The following DPYD variants were observed in gnomAD, a reference collection of about 807,000 sequenced individuals.
The protein encoded by DPYD is dihydropyrimidine dehydrogenase.
In DPYD, 109 loss-of-function variants were observed where a neutral mutation model predicts 116.2. That is an observed-to-expected ratio of 0.94 (90% confidence interval 0.80 to 1.10). DPYD has a LOEUF of 1.10. DPYD is among the 50% of genes least tolerant of loss of function. DPYD has a pLI of 0.00. For missense variants in DPYD, 1,302 were observed against 1,254.5 expected (o/e 1.04, Z -0.57); for synonymous variants, 440 against 432.0 (o/e 1.02, Z -0.23).
intron 19 of DPYD, among the ~76,000 whole-genome samples, chr1:97,225,290 C>G (rs138093128): frequency 4.6e-5 from 7 of 152,070 alleles, no homozygotes; most frequent in African/African-American, 1.4e-4. Flanking sequence ...AATAGTTATT[C>G]TAACAGGTGT....
chr1:97,456,483 A>T (rs142096757), intron 13 of DPYD, among the ~76,000 whole-genome samples: 74 of 152,180 alleles, frequency 4.9e-4, no homozygotes, highest in African/African-American at 1.5e-3. Context: ...TAGCTCTCTG[A>T]CAAGTCCCAA....
At chr1:97,493,982 G>C (rs1679115533) in intron 13 of DPYD, among the ~76,000 whole-genome samples, 1 of 152,144 alleles carries the variant, frequency 6.6e-6, no homozygotes, top group South Asian at 2.1e-4. Context: ...AGACAGAAGA[G>C]AGGAATTCGA....
At chr1:97,538,918 A>G (rs1650215146) in intron 12 of DPYD, among the ~76,000 whole-genome samples, 1 of 152,232 alleles carries the variant, frequency 6.6e-6, no homozygotes, top group South Asian at 2.1e-4. Context: ...ATATAGATTC[A>G]TAAATGAAAT....
intron 14 of DPYD, among the ~76,000 whole-genome samples, chr1:97,403,196 A>G (rs1673465631): frequency 6.6e-6 from 1 of 152,020 alleles, no homozygotes; most frequent in East Asian, 1.9e-4. Context: ...ATAAACTGAA[A>G]ATATTGTTAA....
intron 14 of DPYD, among the ~76,000 whole-genome samples, chr1:97,411,354 C>T (rs917428862): frequency 1.3e-5 from 2 of 151,934 alleles, no homozygotes; most frequent in African/African-American, 4.8e-5. Context: ...TTTTTTTCTG[C>T]TCTCCTTCCT....
intron 20 of DPYD, among the ~76,000 whole-genome samples, chr1:97,124,177 G>C (rs1185363073): frequency 1.2e-5 from 1 of 81,834 alleles, no homozygotes; most frequent in Non-Finnish European, 2.7e-5. Flanking sequence ...TTTCCTAATG[G>C]ACTTCTTCCT....
intron 5 of DPYD, among the ~76,000 whole-genome samples, chr1:97,701,248 T>C (rs1434577757): frequency 2.0e-5 from 3 of 149,210 alleles, no homozygotes; most frequent in African/African-American, 7.3e-5. Flanking sequence ...TATTACACTT[T>C]AAGGCAAGAT....
At chr1:97,844,802 G>A (rs1670211044) in intron 2 of DPYD, among the ~76,000 whole-genome samples, 1 of 152,190 alleles carries the variant, frequency 6.6e-6, no homozygotes, top group African/African-American at 2.4e-5. Flanking sequence ...CTTCTCAGGG[G>A]CCTGGGAAAC....
chr1:97,545,671 G>C lies in DPYD; in HGVS notation c.1524+3889C>G, dbSNP rs1650788125. 5 of 689,434 alleles carry C rather than the reference G, an allele frequency of 7.3e-6. No homozygotes were observed. In the South Asian group the frequency reaches 9.2e-5, roughly 13 times the overall value. 42.7% of individuals were successfully genotyped at this position (689,434 alleles called of 1,614,324 possible). ...CAGATTAGAGAGTTACACAGCAGGA[G>C]GTAAGATTAAAAACTGTGAAACTAA... On this transcript the variant is annotated intron_variant, in intron 12 of 22. Coordinates refer to ENST00000370192, the MANE Select transcript of DPYD (RefSeq NM_000110.4).
At chr1:97,696,200 G>C (rs1001489517) in intron 6 of DPYD, among the ~76,000 whole-genome samples, 1 of 151,760 alleles carries the variant, frequency 6.6e-6, no homozygotes, top group Non-Finnish European at 1.5e-5. Context: ...GGATATCAGA[G>C]GACATTTTTT....
intron 20 of DPYD, among the ~76,000 whole-genome samples, chr1:97,117,879 A>G (rs1027358783): frequency 1.2e-4 from 19 of 152,098 alleles, no homozygotes; most frequent in African/African-American, 4.1e-4. Context: ...ATTTGCTTCC[A>G]ATTCTATGGA....
intron 3 of DPYD, among the ~76,000 whole-genome samples, chr1:97,824,985 C>T (rs530556291): frequency 4.3e-4 from 65 of 152,280 alleles, no homozygotes; most frequent in African/African-American, 1.4e-3. Context: ...CACATTTACA[C>T]GAGTTAACCT....
chr1:97,675,541 C>T (rs530640671), intron 8 of DPYD, among the ~76,000 whole-genome samples: 2 of 152,230 alleles, frequency 1.3e-5, no homozygotes, highest in East Asian at 3.9e-4. Context: ...AGAGACTTTT[C>T]ATGAGCAATA....
chr1:97,451,395 T>C lies in DPYD; in HGVS notation c.1741-1172A>G, dbSNP rs141456196. Among the ~76,000 whole-genome samples, 177 of 152,320 alleles carry C rather than the reference T, an allele frequency of 1.2e-3. 1 individual carries two copies. The highest frequency in any genetic ancestry group is 4.0e-3 in the African/African-American group (166 of 41,556). On this transcript the variant is annotated intron_variant, in intron 13 of 22. Coordinates refer to ENST00000370192, the MANE Select transcript of DPYD (RefSeq NM_000110.4). The stretch of plus-strand genomic sequence containing the variant: ...TTTCTTCACATTGCATGTTAATTTC[T>C]GGTAATTTACATTCACTTTTACATG...
At chr1:97,209,511 G>A (rs964770610) in intron 19 of DPYD, among the ~76,000 whole-genome samples, 1 of 152,114 alleles carries the variant, frequency 6.6e-6, no homozygotes, top group Non-Finnish European at 1.5e-5. Context: ...CATGTGTAAT[G>A]TGTGATGTAT....
intron 5 of DPYD, among the ~76,000 whole-genome samples, chr1:97,714,671 A>G (rs995675448): frequency 1.3e-5 from 2 of 151,732 alleles, no homozygotes; most frequent in Non-Finnish European, 1.5e-5. Context: ...AAAAAAAAAA[A>G]AAACAACTAA....
chr1:97,235,015 C>A (rs373293488), intron 18 of DPYD, 21 bp from the exon 19 acceptor site: 98 of 1,613,894 alleles, frequency 6.1e-5, no homozygotes, highest in Non-Finnish European at 7.9e-5. Flanking sequence ...TCAGAATAAT[C>A]AATGGTTAGC....
intron 18 of DPYD, among the ~76,000 whole-genome samples, chr1:97,239,569 T>C (rs1662186821): frequency 6.6e-6 from 1 of 152,100 alleles, no homozygotes; most frequent in African/African-American, 2.4e-5. Flanking sequence ...TTATTTCAAG[T>C]TAATAATTTG....
At chr1:97,739,873 C>T (rs1003423412) in intron 4 of DPYD, among the ~76,000 whole-genome samples, 3 of 151,788 alleles carry the variant, frequency 2.0e-5, no homozygotes, top group Admixed American at 6.6e-5. Flanking sequence ...CTACTCATGC[C>T]CATATAAGCC....
Sources: allele counts gnomAD v4.1 joint callset (sites outside exome capture counted in the v4.1 genomes callset), GRCh38; gene constraint gnomAD v4.1.1; transcripts MANE v1.5; gene names NCBI Gene and HGNC (gene_info 2026-07-23, HGNC 2026-07-21).